CSMD1: variants seen among roughly 807,000 people sequenced by gnomAD.
The protein encoded by CSMD1 is CUB and Sushi multiple domains 1, also known as CUB and sushi domain-containing protein 1.
In CSMD1, 213 loss-of-function variants were observed where a neutral mutation model predicts 417.5. The observed-to-expected ratio is 0.51, with a 90% CI of 0.46 to 0.57. The LOEUF (loss-of-function observed/expected upper bound fraction) is 0.57. Ranked by LOEUF, CSMD1 falls within the 20% of genes least tolerant of loss-of-function variation. The probability of loss-of-function intolerance (pLI) is 0.00; values close to 1 mark genes in which losing one functional copy is unlikely to be tolerated. For missense variants in CSMD1, 6,923 were observed against 4,529.7 expected (o/e 1.53, Z -15.17); for synonymous variants, 2,862 against 1,736.8 (o/e 1.65, Z -16.11).
intron 2 of CSMD1, among the ~76,000 whole-genome samples, chr8:4,430,728 A>G (rs989757659): frequency 6.6e-6 from 1 of 152,124 alleles, no homozygotes; most frequent in Non-Finnish European, 1.5e-5. Flanking sequence ...TTTTGCCCCC[A>G]AGCATGAAAC....
At chr8:4,415,502 C>A (rs1191674248) in intron 3 of CSMD1, among the ~76,000 whole-genome samples, 3 of 152,148 alleles carry the variant, frequency 2.0e-5, no homozygotes, top group Non-Finnish European at 4.4e-5. Flanking sequence ...CCACGTAGAC[C>A]TGCTCTTTCC....
chr8:4,438,430 C>G (rs1341207819), intron 2 of CSMD1, among the ~76,000 whole-genome samples: 1 of 152,164 alleles, frequency 6.6e-6, no homozygotes, highest in Non-Finnish European at 1.5e-5. Context: ...CTCTACCCAT[C>G]CACATGACGC....
intron 4 of CSMD1, among the ~76,000 whole-genome samples, chr8:4,008,262 A>G (rs1468135163): frequency 6.6e-6 from 1 of 152,172 alleles, no homozygotes. Context: ...AAAATATGAA[A>G]TGTATTAAAA....
intron 5 of CSMD1, among the ~76,000 whole-genome samples, chr8:3,838,926 C>CTA (rs200320405): frequency 9.2e-6 from 1 of 108,240 alleles, no homozygotes; most frequent in African/African-American, 3.6e-5. Context: ...TATAGTCTCT[C>CTA]TATTTATATA....
At chr8:3,683,165 G>A (rs1318640761) in intron 7 of CSMD1, among the ~76,000 whole-genome samples, 2 of 151,994 alleles carry the variant, frequency 1.3e-5, no homozygotes, top group Non-Finnish European at 2.9e-5. Context: ...CCTGCACGTT[G>A]TGCACTTGTA....
intron 1 of CSMD1, among the ~76,000 whole-genome samples, chr8:4,739,596 G>A (rs1324687257): frequency 6.6e-6 from 1 of 152,036 alleles, no homozygotes; most frequent in Non-Finnish European, 1.5e-5. Flanking sequence ...GTCTCCTTTG[G>A]GTCCGAGAAA....
chr8:4,944,338 T>C (rs953929549), intron 1 of CSMD1, among the ~76,000 whole-genome samples: 5 of 152,192 alleles, frequency 3.3e-5, no homozygotes, highest in African/African-American at 7.2e-5. Flanking sequence ...AAGCTAGTTA[T>C]CAGTGAGTTT....
chr8:4,290,423 G>C (rs1033724828), intron 3 of CSMD1, among the ~76,000 whole-genome samples: 4 of 152,200 alleles, frequency 2.6e-5, no homozygotes, highest in Admixed American at 6.5e-5. Flanking sequence ...TCTCTAACAT[G>C]AGATTTGAAC....
At chr8:3,469,167 G>A (rs1026240649) in intron 11 of CSMD1, 2 of 195,420 alleles carry the variant, frequency 1.0e-5, no homozygotes, top group African/African-American at 4.7e-5. Flanking sequence ...GAAAAAATAT[G>A]GCACAGTTGT....
intron 3 of CSMD1, among the ~76,000 whole-genome samples, chr8:4,148,192 C>A (rs1196225490): frequency 1.3e-5 from 2 of 152,032 alleles, no homozygotes; most frequent in East Asian, 1.9e-4. Context: ...ACCACTATAA[C>A]TAACTGTAAG....
intron 31 of CSMD1, among the ~76,000 whole-genome samples, chr8:3,202,086 T>G (rs1797021418): frequency 6.6e-6 from 1 of 152,180 alleles, no homozygotes; most frequent in Non-Finnish European, 1.5e-5. Context: ...GAGAATGGCT[T>G]GAACCTGGAA....
chr8:4,439,454 A>G (rs1479384200), intron 2 of CSMD1, among the ~76,000 whole-genome samples: 1 of 152,108 alleles, frequency 6.6e-6, no homozygotes, highest in Non-Finnish European at 1.5e-5. Flanking sequence ...ACTTTTTCCT[A>G]ACATTCTTAT....
chr8:4,288,019 T>A (rs1230413788), intron 3 of CSMD1, among the ~76,000 whole-genome samples: 1 of 152,204 alleles, frequency 6.6e-6, no homozygotes, highest in Non-Finnish European at 1.5e-5. Flanking sequence ...CTGCCTTTTT[T>A]AGCTGCAACC....
intron 2 of CSMD1, among the ~76,000 whole-genome samples, chr8:4,485,033 A>G (rs910669402): frequency 2.8e-5 from 4 of 144,430 alleles, no homozygotes; most frequent in South Asian, 2.2e-4. Context: ...AAGAGTCACT[A>G]TGACATATGG....
chr8:3,096,544 T>A (rs1301296906), intron 47 of CSMD1, among the ~76,000 whole-genome samples: 1 of 152,188 alleles, frequency 6.6e-6, no homozygotes, highest in African/African-American at 2.4e-5. Flanking sequence ...TCCATGATTG[T>A]GAGGTCTCCC....
chr8:3,891,169 C>G (rs919094781), intron 5 of CSMD1, among the ~76,000 whole-genome samples: 4 of 152,140 alleles, frequency 2.6e-5, no homozygotes, highest in Admixed American at 2.0e-4. Context: ...CCTCAGCCTC[C>G]CAAGAAGCTG....
chr8:3,797,324 T>A lies in CSMD1; in HGVS notation c.819-43282A>T, dbSNP rs560382427. Among the ~76,000 whole-genome samples the A allele has an allele frequency of 3.5e-4, 53 of 152,078 alleles. 1 individual carries two copies. In the South Asian group the frequency reaches 9.7e-3, roughly 28 times the overall value. On this transcript the variant is annotated intron_variant, in intron 5 of 69. Transcript: ENST00000635120. ...CACATGTCTTTGTTATATAATTCAA[T>A]GATTGTTGACAAACTGTTCACTGTC...
At chr8:4,580,515 T>C (rs1799361981) in intron 2 of CSMD1, among the ~76,000 whole-genome samples, 1 of 152,204 alleles carries the variant, frequency 6.6e-6, no homozygotes, top group African/African-American at 2.4e-5. Flanking sequence ...AGGTTCTGGC[T>C]CGGGCCGTCG....
intron 2 of CSMD1, among the ~76,000 whole-genome samples, chr8:4,554,617 T>G (rs1166015758): frequency 2.0e-5 from 3 of 152,220 alleles, no homozygotes; most frequent in Non-Finnish European, 4.4e-5. Context: ...CAGGATGTGT[T>G]GATTTTACCT....
Sources: gnomAD v4.1 joint callset for allele counts (sites outside exome capture counted in the v4.1 genomes callset) on GRCh38, gnomAD v4.1.1 for gene constraint, MANE v1.5 for transcripts, NCBI Gene and HGNC (gene_info 2026-07-23, HGNC 2026-07-21) for gene names.